Variants in NRXN2 observed in about 807,000 individuals in gnomAD.
NRXN2 encodes the protein neurexin 2.
A neutral mutation model predicts 128.8 loss-of-function variants in NRXN2; 29 were observed. The ratio of observed to expected loss-of-function variants is 0.23; its 90% CI spans 0.17 to 0.31. The LOEUF (loss-of-function observed/expected upper bound fraction) is 0.31. Ranked by LOEUF, NRXN2 falls within the 10% of genes least tolerant of loss-of-function variation. NRXN2 has a pLI of 1.00. For synonymous variants in NRXN2, 1,098 were observed against 1,075.2 expected (o/e 1.02, Z -0.41); for missense variants, 1,881 against 2,452.6 (o/e 0.77, Z 4.92).
Position 64,716,317 on chromosome 11 carries a change from A to G in NRXN2, c.-244-2374T>C, listed in dbSNP as rs1179722242. Among the ~76,000 whole-genome samples the G allele has an allele frequency of 2.1e-5, 3 of 145,886 alleles. No homozygotes were observed. In the East Asian group the frequency reaches 6.8e-4, roughly 33 times the overall value. ...CCACCCCCATCCCAGTCCCCCTGCC[A>G]TGGCCACATCCACCACCCTTTAGGG... is the stretch of plus-strand genomic sequence containing the variant. On this transcript the variant is annotated intron_variant, in intron 1 of 22. Coordinates refer to ENST00000265459, the MANE Select transcript of NRXN2 (RefSeq NM_015080.4).
Position 64,630,397 on chromosome 11 carries a change from C to T in NRXN2, c.3757+5G>A. 6.2e-7 allele frequency: 1 copy of T among 1,609,108 alleles called. No individual in the cohort carries two copies. Among genetic ancestry groups the T allele is most frequent in the Non-Finnish European group, 8.5e-7 (1 of 1,178,336 alleles). ...GCGCCTCCTCCGCGGGCCCGCGCCG[C>T]CTACCTGCCGGGTACCGCTCGTTGA... On this transcript the variant is annotated splice_donor_5th_base_variant and intron_variant, in intron 19 of 22. Transcript: ENST00000265459. The surrounding 1 kb of genome is among the most constrained non-coding windows in gnomAD (Gnocchi z 4.6).
chr11:64,607,865 G>A lies in NRXN2; in HGVS notation c.4470C>T (p.Ile1490=), dbSNP rs763630082. Residue 1490 remains isoleucine, a synonymous_variant, in exon 23 of 23, where the codon ATC becomes ATT. Coordinates refer to ENST00000265459, the MANE Select transcript of NRXN2 (RefSeq NM_015080.4). The part of the protein sequence containing the change: ...ERDDSDCEEP[I]EASGFASGEV... ...CCCCGGAGGCGAAGCCCGAGGCCTC[G>A]ATGGGCTCCTCGCAGTCGCTGTCGT... 4.4e-6 allele frequency: 7 copies of A among 1,593,068 alleles called. No homozygotes were observed. The highest frequency in any genetic ancestry group is 6.0e-6 in the Non-Finnish European group (7 of 1,170,584).
chr11:64,698,049 T>C (rs958174922), intron 2 of NRXN2, among the ~76,000 whole-genome samples: 4 of 151,984 alleles, frequency 2.6e-5, no homozygotes, highest in Admixed American at 6.6e-5. Context: ...AACCCTCAAG[T>C]AACATTTCAG....
At chr11:64,702,194 C>T (rs533518644) in intron 2 of NRXN2, among the ~76,000 whole-genome samples, 1,735 of 150,576 alleles carry the variant, frequency 0.012, 36 homozygotes, top group African/African-American at 0.04. Flanking sequence ...GTCAGCCCCC[C>T]GCCGGGCCAG....
Position 64,606,931 on chromosome 11 carries a change from A to G in NRXN2, c.*265T>C. On this transcript the variant is annotated 3_prime_UTR_variant, in exon 23 of 23. Coordinates refer to ENST00000265459, the MANE Select transcript of NRXN2 (RefSeq NM_015080.4). ...CCCCCTTAAAAAAATAAATCAACCC[A>G]GGGCTGTGAGCACGTGCCCTGCCTG... The G allele has an allele frequency of 1.9e-6, 1 of 522,704 alleles. No individual in the cohort carries two copies. The allele number at this position is 522,704 out of a possible 1,614,324, so 32.4% of individuals were successfully genotyped here.
intron 11 of NRXN2, 149 bp from the exon 12 acceptor site, chr11:64,653,871 C>T (rs2047874329): frequency 1.6e-6 from 1 of 628,226 alleles, no homozygotes; most frequent in Non-Finnish European, 2.8e-6. Flanking sequence ...GCCCAGGTGC[C>T]CTCTTCCCTT....
intron 6 of NRXN2, among the ~76,000 whole-genome samples, chr11:64,677,425 C>T (rs1387059549): frequency 6.7e-6 from 1 of 150,084 alleles, no homozygotes. Context: ...GAGAAGAAAA[C>T]AACAAAAGAA....
At chr11:64,691,192 G>T (rs912563358) in intron 4 of NRXN2, among the ~76,000 whole-genome samples, 2 of 152,148 alleles carry the variant, frequency 1.3e-5, no homozygotes, top group Admixed American at 6.5e-5. Flanking sequence ...TCCCACCATT[G>T]TGCCTACAAA....
intron 22 of NRXN2, among the ~76,000 whole-genome samples, chr11:64,614,660 C>T (rs1228580973): frequency 1.3e-5 from 2 of 152,244 alleles, no homozygotes; most frequent in South Asian, 2.1e-4. Context: ...ATTTCCTCAG[C>T]GCTAGCAGCA....
At chr11:64,654,764 G>A (rs2048008382) in intron 11 of NRXN2, among the ~76,000 whole-genome samples, 1 of 152,220 alleles carries the variant, frequency 6.6e-6, no homozygotes, top group South Asian at 2.1e-4. Context: ...CAAGCCTGAC[G>A]CAGCCCAAGG....
chr11:64,615,850 G>GCA lies in NRXN2; in HGVS notation c.4252+4443_4252+4444insTG, dbSNP rs1301916044. On this transcript the variant is annotated intron_variant, in intron 22 of 22. Coordinates refer to ENST00000265459, the MANE Select transcript of NRXN2 (RefSeq NM_015080.4). ...CAAGCGTGTGTGTGTGTGTGTGTGT[G>GCA]TGTGTGTGTGTGTGTGTGTATGTGT... Among the ~76,000 whole-genome samples, 83 of 105,602 alleles carry GCA rather than the reference G, an allele frequency of 7.9e-4. 1 individual carries two copies. In the South Asian group the frequency reaches 0.011, roughly 14 times the overall value. 69.3% of individuals were successfully genotyped at this position (105,602 alleles called of 152,430 possible).
Position 64,607,885 on chromosome 11 carries a change from T to C in NRXN2, c.4450A>G (p.Ser1484Gly). Residue 1484 changes from serine (S) to glycine (G), a missense_variant, in exon 23 of 23, where the codon AGC (serine) becomes GGC (glycine). Physicochemically the swap from Ser to Gly is moderately conservative, Grantham distance 56. Around this residue, in one of 7 missense-constraint regions of NRXN2, gnomAD observed 310 missense variants for 318.2 expected, o/e 0.97. Transcript: ENST00000265459. ...GCCTCGATGGGCTCCTCGCAGTCGC[T>C]GTCGTCCCGCTCGGCCTGGCACGGG... ...GGPCQAERDD[S>G]DCEEPIEASG... 6.3e-7 allele frequency: 1 copy of C among 1,579,706 alleles called. No homozygotes were observed. Among genetic ancestry groups the C allele is most frequent in the Non-Finnish European group, 8.6e-7 (1 of 1,163,940 alleles).
Position 64,713,732 on chromosome 11 carries a change from G to A in NRXN2, c.-33C>T. On this transcript the variant is annotated 5_prime_UTR_variant, in exon 2 of 23. Transcript: ENST00000265459. ...GCGGCCCCGGCCCCGCCCGGCCCCCGGCCCCCGCTCAGGCTTCAGAGCCGC... is the reference window on the plus strand; with the variant it reads ...GCGGCCCCGGCCCCGCCCGGCCCCCAGCCCCCGCTCAGGCTTCAGAGCCGC... 9.9e-7 allele frequency: 1 copy of A among 1,014,804 alleles called. No individual in the cohort carries two copies. The highest frequency in any genetic ancestry group is 1.2e-6 in the Non-Finnish European group (1 of 849,574). The allele number at this position is 1,014,804 out of a possible 1,614,324, so 62.9% of individuals were successfully genotyped here. A position where few individuals can be genotyped will look rare whatever the true frequency, so the allele number is the denominator to read the frequency against.
chr11:64,672,912 A>G (rs1380794792), intron 7 of NRXN2, among the ~76,000 whole-genome samples: 1 of 152,160 alleles, frequency 6.6e-6, no homozygotes, highest in Non-Finnish European at 1.5e-5. Context: ...TTGGGAATAG[A>G]GAGGAAAGAG....
chr11:64,684,081 T>C (rs1247638753), intron 6 of NRXN2, among the ~76,000 whole-genome samples: 1 of 152,194 alleles, frequency 6.6e-6, no homozygotes, highest in Non-Finnish European at 1.5e-5. Context: ...GCAGGGACCA[T>C]GTCTTTTTTT....
At chr11:64,647,109 C>T (rs2046799186) in intron 17 of NRXN2, among the ~76,000 whole-genome samples, 1 of 152,110 alleles carries the variant, frequency 6.6e-6, no homozygotes, top group East Asian at 1.9e-4. Context: ...GGCAAAGGCA[C>T]TGACTGGAGT....
At chr11:64,721,991 G>T (rs903715708) in intron 1 of NRXN2, among the ~76,000 whole-genome samples, 10 of 152,040 alleles carry the variant, frequency 6.6e-5, no homozygotes, top group Non-Finnish European at 1.0e-4. Flanking sequence ...ATTCAGGAGG[G>T]GGGTGAGAGT....
At chr11:64,709,395 C>G (rs2056673867) in intron 2 of NRXN2, among the ~76,000 whole-genome samples, 1 of 151,972 alleles carries the variant, frequency 6.6e-6, no homozygotes. Context: ...TGCCTTTCCT[C>G]CTTGACTGGA....
chr11:64,648,238 T>G lies in NRXN2; in HGVS notation c.3384A>C (p.Gly1128=), dbSNP rs933706673. The change falls in exon 17 of 23, where the codon GGA becomes GGC. Residue 1128 remains glycine (G), a synonymous_variant. Coordinates refer to ENST00000265459, the MANE Select transcript of NRXN2 (RefSeq NM_015080.4). The surrounding 1 kb of genome is among the most constrained non-coding windows in gnomAD (Gnocchi z 4.1). ...FTCDCTMTSY[G]GPVCNDPGTT... ...ACTCACGATCATTGCAGACAGGGCC[T>G]CCATAGGAAGTCATGGTGCAGTCGC... 1.9e-6 allele frequency: 3 copies of G among 1,614,130 alleles called. No individual in the cohort carries two copies. Among genetic ancestry groups the G allele is most frequent in the Non-Finnish European group, 1.7e-6 (2 of 1,180,028 alleles).
Sources: gnomAD v4.1 joint callset for allele counts (sites outside exome capture counted in the v4.1 genomes callset) on GRCh38, gnomAD v4.1.1 for gene constraint, gnomAD v4.1.1 regional missense constraint, Gnocchi (gnomAD v3.1) non-coding constraint, MANE v1.5 for transcripts, NCBI Gene and HGNC (gene_info 2026-07-23, HGNC 2026-07-21) for gene names.